Variants in NOX5 observed in about 807,000 individuals in gnomAD.
NOX5 encodes NADPH oxidase, EF-hand calcium binding domain 5.
Under a neutral mutation model 85.7 loss-of-function variants are expected in NOX5, and 76 were observed. The observed-to-expected ratio is 0.89, with a 90% CI of 0.74 to 1.07. The LOEUF (loss-of-function observed/expected upper bound fraction) is 1.07. NOX5 is among the 50% of genes least tolerant of loss of function. The probability of loss-of-function intolerance (pLI) is 0.00; values close to 1 mark genes in which losing one functional copy is unlikely to be tolerated. For synonymous variants in NOX5, 405 were observed against 401.4 expected, an observed-to-expected ratio of 1.01 and a Z score of -0.11; for missense variants, 973 against 999.5, an observed-to-expected ratio of 0.97 and a Z score of 0.36.
chr15:69,028,324 T>A lies in NOX5; in HGVS notation c.284T>A (p.Met95Lys), dbSNP rs112069106. ...ACCCTGCTCATCCATGGCAGCCCCA[T>A]GGACAAACTCAAATTCCTCTTCCAG... ...ALTLLIHGSP[M>K]DKLKFLFQVY... Residue 95 changes from methionine to lysine, a missense_variant, in exon 3 of 16, where the codon ATG (methionine) becomes AAG (lysine). Coordinates refer to ENST00000388866, the MANE Select transcript of NOX5 (RefSeq NM_024505.4). The A allele has an allele frequency of 1.0e-4, 169 of 1,612,546 alleles. 1 individual carries two copies. The African/African-American group carries it at 1.4e-3, about 13-fold the overall frequency.
At chr15:69,042,560 G>A (rs2050608301) in intron 9 of NOX5, 103 bp from the exon 10 acceptor site, 1 of 1,298,058 alleles carries the variant, frequency 7.7e-7, no homozygotes, top group African/African-American at 1.5e-5. Flanking sequence ...ACCAGGACTT[G>A]GAGGGCTGAG....
chr15:69,018,052 G>A (rs1195740760), intron 1 of NOX5, among the ~76,000 whole-genome samples: 2 of 152,112 alleles, frequency 1.3e-5, no homozygotes, highest in Non-Finnish European at 2.9e-5. Flanking sequence ...GGGCTGCAGA[G>A]AATGTGCACT....
Position 69,020,163 on chromosome 15 carries a change from CT to C in NOX5, c.50+5379del, listed in dbSNP as rs1281772746. Among the ~76,000 whole-genome samples the C allele has an allele frequency of 5.3e-5, 8 of 152,304 alleles. No homozygotes were observed. The East Asian group carries it at 1.5e-3, about 29-fold the overall frequency. The stretch of plus-strand genomic sequence containing the variant: ...TATCAATACCTAATAAAAGCATTTA[CT>C]GTTATTGTTGCCCTTTTAGTTGTTG... On this transcript the variant is annotated intron_variant, in intron 1 of 15. Transcript: ENST00000388866.
Position 69,060,379 on chromosome 15 carries a change from G to A in NOX5, c.*3683G>A, listed in dbSNP as rs2050860963. On this transcript the variant is annotated 3_prime_UTR_variant, in exon 16 of 16. Transcript: ENST00000388866. Reference sequence around the variant, plus strand: ...CAAACCTTTGCCCTCTGGGAGGCAGGGCACTGAGTCCTACACTTGCCTCTG... The same window carrying A: ...CAAACCTTTGCCCTCTGGGAGGCAGAGCACTGAGTCCTACACTTGCCTCTG... The A allele has an allele frequency of 6.6e-6, 1 of 152,144 alleles. No individual in the cohort carries two copies. 9.4% of individuals were successfully genotyped at this position (152,144 alleles called of 1,614,324 possible).
intron 14 of NOX5, 77 bp from the exon 15 acceptor site, chr15:69,055,257 G>A (rs757160832): frequency 1.5e-5 from 22 of 1,482,858 alleles, no homozygotes; most frequent in Non-Finnish European, 2.0e-5. Context: ...CCCAGGGTAA[G>A]GTAGTGGTTG....
intron 15 of NOX5, 82 bp downstream of exon 15, chr15:69,055,582 G>C: frequency 1.3e-6 from 2 of 1,485,646 alleles, no homozygotes; most frequent in Non-Finnish European, 1.8e-6. Flanking sequence ...CGAGGCCCAA[G>C]CTGTCAGGGG....
chr15:69,040,000 G>T (rs1325856910), intron 9 of NOX5, among the ~76,000 whole-genome samples: 1 of 152,194 alleles, frequency 6.6e-6, no homozygotes, highest in African/African-American at 2.4e-5. Flanking sequence ...TTCATGAGGG[G>T]TATCCAGCCC....
chr15:69,047,925 C>T lies in NOX5; in HGVS notation c.1899+14C>T, dbSNP rs564999658. ...AAGCTCCATAAGGTGAGTACCACCT[C>T]CTGCAGGCAGGCCTCCAGACCTTCT... is the stretch of plus-strand genomic sequence containing the variant. On this transcript the variant is annotated intron_variant, in intron 13 of 15. Coordinates refer to ENST00000388866, the MANE Select transcript of NOX5 (RefSeq NM_024505.4). 6.2e-6 allele frequency: 10 copies of T among 1,612,376 alleles called. No individual in the cohort carries two copies. The highest frequency in any genetic ancestry group is 3.3e-5 in the Admixed American group (2 of 60,024).
At chr15:69,020,924 A>G (rs970341002) in intron 1 of NOX5, among the ~76,000 whole-genome samples, 1 of 152,160 alleles carries the variant, frequency 6.6e-6, no homozygotes, top group African/African-American at 2.4e-5. Flanking sequence ...TTGACATAAT[A>G]AAAACTATTT....
At chr15:69,045,600 T>TCCCTTTCTTTCTTTTTTCTTTCTTTC (rs1595786336) in intron 10 of NOX5, among the ~76,000 whole-genome samples, 1 of 139,810 alleles carries the variant, frequency 7.2e-6, no homozygotes, top group African/African-American at 3.0e-5. Context: ...CTTTCTTTCT[T>TCCCTTTCTTTCTTTTTTCTTTCTTTC]TTTTTTTTCT....
At chr15:69,046,896 A>C (rs2140276167) in intron 11 of NOX5, 30 bp downstream of exon 11, 1 of 1,611,638 alleles carries the variant, frequency 6.2e-7, no homozygotes, top group Middle Eastern at 1.7e-4. Context: ...GACGTGAGCA[A>C]TAATGCCTGC....
At chr15:69,039,069 A>G in intron 9 of NOX5, 80 bp downstream of exon 9, 1 of 1,486,878 alleles carries the variant, frequency 6.7e-7, no homozygotes, top group Non-Finnish European at 9.3e-7. Context: ...GGAAACTCGG[A>G]ACACAGCACT....
At chr15:69,026,719 C>T (rs1219317180) in intron 2 of NOX5, 68 bp downstream of exon 2, 9 of 1,604,640 alleles carry the variant, frequency 5.6e-6, no homozygotes, top group African/African-American at 2.7e-5. Context: ...GGGCATAGCC[C>T]TTACAGGGAG....
intron 4 of NOX5, 61 bp downstream of exon 4, chr15:69,031,873 T>C (rs1156279193): frequency 1.5e-5 from 22 of 1,502,300 alleles, no homozygotes; most frequent in Non-Finnish European, 1.8e-6. Context: ...TGGTCGGAAG[T>C]GTGGCAGGAA....
intron 14 of NOX5, among the ~76,000 whole-genome samples, chr15:69,052,620 A>G (rs1382248925): frequency 6.6e-6 from 1 of 152,234 alleles, no homozygotes; most frequent in Admixed American, 6.5e-5. Context: ...CCTATGATAA[A>G]CACAGTTTAT....
At chr15:69,015,110 TG>T (rs1410749664) in intron 1 of NOX5, among the ~76,000 whole-genome samples, 1 of 152,162 alleles carries the variant, frequency 6.6e-6, no homozygotes, top group Non-Finnish European at 1.5e-5. Flanking sequence ...GAGAGATGCT[TG>T]TGGGCTGGTC....
At chr15:69,036,975 C>T in intron 7 of NOX5, 53 bp from the exon 8 acceptor site, 1 of 1,433,498 alleles carries the variant, frequency 7.0e-7, no homozygotes, top group South Asian at 1.2e-5. Flanking sequence ...TGGCTCTGTT[C>T]CACCCCCCAG....
intron 14 of NOX5, among the ~76,000 whole-genome samples, 200 bp from the exon 15 acceptor site, chr15:69,055,134 A>G: frequency 6.6e-6 from 1 of 152,182 alleles, no homozygotes; most frequent in Non-Finnish European, 1.5e-5. Flanking sequence ...AAAGTAACCA[A>G]TGTGTGCCAT....
chr15:69,048,878 A>G (rs1005734238), intron 13 of NOX5, 81 bp from the exon 14 acceptor site: 20 of 998,788 alleles, frequency 2.0e-5, no homozygotes, highest in Non-Finnish European at 3.0e-5. Context: ...GGGTGGTCAT[A>G]TGGGTCCCAG....
Sources: allele counts gnomAD v4.1 joint callset (sites outside exome capture counted in the v4.1 genomes callset), GRCh38; gene constraint gnomAD v4.1.1; transcripts MANE v1.5; gene names NCBI Gene and HGNC (gene_info 2026-07-23, HGNC 2026-07-21).